Variants in NRG1 observed in about 807,000 individuals in gnomAD.
The protein encoded by NRG1 is neuregulin 1.
Under a neutral mutation model 63.8 loss-of-function variants are expected in NRG1, and 18 were observed. The observed-to-expected ratio is 0.28, with a 90% CI of 0.19 to 0.42. The LOEUF is 0.42. NRG1 is among the 10% of genes least tolerant of loss of function. The probability of loss-of-function intolerance (pLI) is 1.00; values close to 1 mark genes in which losing one functional copy is unlikely to be tolerated. For synonymous variants in NRG1, 302 were observed against 301.3 expected, an observed-to-expected ratio of 1.00 and a Z score of -0.02; for missense variants, 762 against 814.7, an observed-to-expected ratio of 0.94 and a Z score of 0.79.
intron 1 of NRG1, among the ~76,000 whole-genome samples, chr8:32,058,555 G>GT (rs1823342957): frequency 1.3e-5 from 2 of 151,998 alleles, no homozygotes; most frequent in Admixed American, 6.6e-5. Context: ...CCCTAGTGAA[G>GT]TGTTTTTAAT....
At chr8:32,477,151 T>C (rs1824627499) in intron 1 of NRG1, among the ~76,000 whole-genome samples, 1 of 152,160 alleles carries the variant, frequency 6.6e-6, no homozygotes, top group African/African-American at 2.4e-5. Context: ...ATCGTCTCAC[T>C]GGGACCTGTG....
chr8:32,650,314 C>G (rs1214975921), intron 5 of NRG1, among the ~76,000 whole-genome samples: 1 of 152,004 alleles, frequency 6.6e-6, no homozygotes, highest in Non-Finnish European at 1.5e-5. Flanking sequence ...CCAGTTTGAC[C>G]AGATGCACAG....
intron 1 of NRG1, among the ~76,000 whole-genome samples, chr8:31,868,147 TACACACACACAC>T (rs1047085862): frequency 2.1e-4 from 7 of 32,658 alleles, no homozygotes; most frequent in Non-Finnish European, 3.0e-4. Context: ...ACATACATCT[TACACACACACAC>T]ACACACACAC....
intron 1 of NRG1, among the ~76,000 whole-genome samples, chr8:32,585,659 A>G (rs755740844): frequency 3.3e-5 from 5 of 151,264 alleles, no homozygotes; most frequent in Non-Finnish European, 7.4e-5. Context: ...GTTCAAAAGA[A>G]TTATTTTAAC....
chr8:31,855,498 A>G (rs1236377862), intron 1 of NRG1, among the ~76,000 whole-genome samples: 3 of 151,996 alleles, frequency 2.0e-5, no homozygotes, highest in East Asian at 1.9e-4. Context: ...TTTTGAGCCT[A>G]TGTGTGTCTC....
chr8:31,717,162 A>G (rs1812428040), intron 1 of NRG1, among the ~76,000 whole-genome samples: 1 of 152,088 alleles, frequency 6.6e-6, no homozygotes, highest in Non-Finnish European at 1.5e-5. Flanking sequence ...ATCCTAGCAC[A>G]CTGGGAGGCT....
intron 1 of NRG1, among the ~76,000 whole-genome samples, chr8:32,296,616 C>CAAAA (rs34816837): frequency 9.9e-6 from 1 of 100,768 alleles, no homozygotes; most frequent in African/African-American, 3.4e-5. Flanking sequence ...AACTTTGTCC[C>CAAAA]AAAAAAAAAA....
At chr8:31,705,099 G>A (rs1811015185) in intron 1 of NRG1, among the ~76,000 whole-genome samples, 1 of 152,076 alleles carries the variant, frequency 6.6e-6, no homozygotes, top group African/African-American at 2.4e-5. Context: ...GCAGTGGCGC[G>A]ATCTCGGCTG....
chr8:32,659,146 C>CTTTTTTTTT (rs11408766), intron 5 of NRG1, among the ~76,000 whole-genome samples: 2 of 136,036 alleles, frequency 1.5e-5, no homozygotes, highest in East Asian at 2.2e-4. Flanking sequence ...CTTTTCTTTT[C>CTTTTTTTTT]TTTTTTTTTT....
chr8:32,104,847 A>G (rs1452054096), intron 1 of NRG1, among the ~76,000 whole-genome samples: 5 of 152,020 alleles, frequency 3.3e-5, no homozygotes, highest in African/African-American at 1.2e-4. Flanking sequence ...CATCTCCTAT[A>G]ACAATGCCTT....
At chr8:32,088,349 CAGAT>C (rs1385155798) in intron 1 of NRG1, among the ~76,000 whole-genome samples, 3 of 152,096 alleles carry the variant, frequency 2.0e-5, no homozygotes, top group Non-Finnish European at 4.4e-5. Context: ...CAGACGAGGT[CAGAT>C]AAAGTGGATT....
intron 1 of NRG1, among the ~76,000 whole-genome samples, chr8:31,693,970 T>A (rs1452864077): frequency 6.6e-6 from 1 of 152,120 alleles, no homozygotes; most frequent in Non-Finnish European, 1.5e-5. Context: ...CTCGAGTAGG[T>A]GGGACTATAG....
chr8:32,575,494 C>A (rs1235494348), intron 1 of NRG1, among the ~76,000 whole-genome samples: 2 of 151,632 alleles, frequency 1.3e-5, no homozygotes, highest in Non-Finnish European at 2.9e-5. Flanking sequence ...GGAGATAGGG[C>A]ATGAGTAAAG....
At chr8:32,387,176 A>T (rs1811123285) in intron 1 of NRG1, among the ~76,000 whole-genome samples, 1 of 152,224 alleles carries the variant, frequency 6.6e-6, no homozygotes, top group East Asian at 1.9e-4. Flanking sequence ...TATGGCCTGC[A>T]AAATAAGAGT....
intron 1 of NRG1, among the ~76,000 whole-genome samples, chr8:32,284,403 T>C (rs1168163249): frequency 6.6e-6 from 1 of 152,088 alleles, no homozygotes; most frequent in Admixed American, 6.6e-5. Context: ...TCCCCTACCA[T>C]AATATCTCTA....
intron 1 of NRG1, among the ~76,000 whole-genome samples, chr8:32,339,371 G>T (rs1803750505): frequency 6.6e-6 from 1 of 152,106 alleles, no homozygotes; most frequent in Non-Finnish European, 1.5e-5. Flanking sequence ...TTGAAGTAGA[G>T]TTAATAACTA....
rs181707030 is a variant in NRG1 at position 32,449,346 on chromosome 8, G to A, written c.38-146482G>A. 5.1e-4 allele frequency among the ~76,000 whole-genome samples: 77 copies of A among 151,326 alleles called. 1 individual carries two copies. The highest frequency in any genetic ancestry group is 1.8e-3 in the African/African-American group (75 of 41,312). On this transcript the variant is annotated intron_variant, in intron 1 of 10. Transcript: ENST00000519301. ...AAACAAATAAATAAAATTATCCTAA[G>A]TGAAATCAGTTGTTGATAGAACTGA... is the stretch of plus-strand genomic sequence containing the variant.
chr8:32,760,209 C>T (rs114135581), exon 11 of NRG1: 17 of 1,613,748 alleles, frequency 1.1e-5, no homozygotes, highest in Admixed American at 1.7e-5. Context: ...GCTGGAGCAA[C>T]GGACACACTG....
intron 1 of NRG1, among the ~76,000 whole-genome samples, chr8:32,002,361 CATTT>C (rs1221044404): frequency 6.6e-6 from 1 of 151,916 alleles, no homozygotes; most frequent in African/African-American, 2.4e-5. Flanking sequence ...TCTTCTATCC[CATTT>C]ATTTATTTAT....
Sources: allele counts gnomAD v4.1 joint callset (sites outside exome capture counted in the v4.1 genomes callset), GRCh38; gene constraint gnomAD v4.1.1; transcripts MANE v1.5; gene names NCBI Gene and HGNC (gene_info 2026-07-23, HGNC 2026-07-21).